Variants in SIMC1 observed in about 807,000 individuals in gnomAD.
The protein encoded by SIMC1 is SUMO interacting motifs containing 1, also known as SUMO-interacting motif-containing protein 1.
A neutral mutation model predicts 82.3 loss-of-function variants in SIMC1; 55 were observed. The observed-to-expected ratio is 0.67, with a 90% CI of 0.54 to 0.84. The LOEUF is 0.84. SIMC1 is among the 40% of genes least tolerant of loss of function. The pLI is 0.00. For synonymous variants in SIMC1, 353 were observed against 426.3 expected, an observed-to-expected ratio of 0.83 and a Z score of 2.12; for missense variants, 915 against 1,107.2, an observed-to-expected ratio of 0.83 and a Z score of 2.46.
At chr5:176,326,693 T>C (rs1765406604) in intron 7 of SIMC1, among the ~76,000 whole-genome samples, 1 of 152,074 alleles carries the variant, frequency 6.6e-6, no homozygotes, top group Non-Finnish European at 1.5e-5. Flanking sequence ...GCCTCCTGAG[T>C]GGCTGGGATT....
At chr5:176,311,139 A>G (rs947190910) in intron 4 of SIMC1, among the ~76,000 whole-genome samples, 3 of 152,216 alleles carry the variant, frequency 2.0e-5, no homozygotes, top group Non-Finnish European at 4.4e-5. Context: ...TCTAAAAAGT[A>G]GATTATGGTA....
intron 7 of SIMC1, among the ~76,000 whole-genome samples, chr5:176,326,089 A>G (rs907676930): frequency 6.6e-6 from 1 of 152,214 alleles, no homozygotes. Flanking sequence ...TGGTACAGGA[A>G]ATAAGTATAA....
chr5:176,330,212 C>G (rs1765580279), intron 7 of SIMC1, among the ~76,000 whole-genome samples: 1 of 152,006 alleles, frequency 6.6e-6, no homozygotes, highest in Non-Finnish European at 1.5e-5. Context: ...ACCAGCCTGG[C>G]CAACATGGTG....
intron 3 of SIMC1, among the ~76,000 whole-genome samples, chr5:176,295,862 G>A (rs1317104848): frequency 6.6e-6 from 1 of 152,190 alleles, no homozygotes; most frequent in Non-Finnish European, 1.5e-5. Flanking sequence ...AGTCTTGCAG[G>A]ATTTAATTGG....
intron 1 of SIMC1, among the ~76,000 whole-genome samples, chr5:176,287,647 AAAAT>A (rs148705990): frequency 0.56 from 80,934 of 143,986 alleles, 22,282 homozygotes; most frequent in Middle Eastern, 0.62. Flanking sequence ...TAAAAAGTTA[AAAAT>A]AAATAAAAAT....
chr5:176,251,574 T>A (rs544041501), intron 1 of SIMC1, among the ~76,000 whole-genome samples: 2 of 152,070 alleles, frequency 1.3e-5, no homozygotes, highest in South Asian at 2.1e-4. Flanking sequence ...GGGTTGAAAA[T>A]TATTTTCTTT....
At chr5:176,326,178 C>T (rs1765385652) in intron 7 of SIMC1, among the ~76,000 whole-genome samples, 1 of 152,136 alleles carries the variant, frequency 6.6e-6, no homozygotes, top group African/African-American at 2.4e-5. Context: ...CAGCTCCATG[C>T]GTGCTTCCCA....
intron 1 of SIMC1, among the ~76,000 whole-genome samples, chr5:176,255,243 CAA>C (rs528942109): frequency 7.4e-6 from 1 of 135,014 alleles, no homozygotes; most frequent in African/African-American, 2.7e-5. Flanking sequence ...GACTCCACCT[CAA>C]AAAAAAAAGA....
Position 176,290,145 on chromosome 5 carries a change from C to A in SIMC1, c.621C>A (p.Cys207Ter), listed in dbSNP as rs1763480465. 1.9e-6 allele frequency: 3 copies of A among 1,607,866 alleles called. No individual in the cohort carries two copies. The highest frequency in any genetic ancestry group is 1.3e-5 in the African/African-American group (1 of 74,774). ...GCAATCAAAAAGCACCCTTGCCATG[C>A]CCACAGCAAGATGTATCTCGCCCAC... Reference protein sequence around the residue: ...SSSNQKAPLPCPQQDVSRPPQ... With the variant: ...SSSNQKAPLP The change falls in exon 2 of 10, where the codon TGC becomes TGA. Residue 207 changes from cysteine (C) to a stop codon, truncating the protein, a stop_gained. Transcript: ENST00000429602. LOFTEE classifies it high-confidence loss of function.
intron 1 of SIMC1, among the ~76,000 whole-genome samples, chr5:176,256,703 C>T (rs1240519260): frequency 6.6e-6 from 1 of 152,076 alleles, no homozygotes; most frequent in African/African-American, 2.4e-5. Context: ...TATGGTGTTA[C>T]CAATTGTGTC....
At chr5:176,271,980 T>C (rs1406164155) in intron 1 of SIMC1, among the ~76,000 whole-genome samples, 2 of 144,730 alleles carry the variant, frequency 1.4e-5, no homozygotes, top group Non-Finnish European at 3.0e-5. Flanking sequence ...ATATATTATA[T>C]ATAACATAAT....
chr5:176,307,146 AAAC>A (rs1271288642), intron 4 of SIMC1, among the ~76,000 whole-genome samples: 1 of 152,208 alleles, frequency 6.6e-6, no homozygotes, highest in Non-Finnish European at 1.5e-5. Context: ...TTTTTTAAAA[AAAC>A]AAAAAATAAG....
At chr5:176,334,716 C>T (rs1017299506) in intron 7 of SIMC1, among the ~76,000 whole-genome samples, 1 of 152,216 alleles carries the variant, frequency 6.6e-6, no homozygotes, top group African/African-American at 2.4e-5. Flanking sequence ...AGACCCACAC[C>T]TTCCTCTGCC....
intron 1 of SIMC1, among the ~76,000 whole-genome samples, chr5:176,243,196 T>G (rs1761327421): frequency 6.6e-6 from 1 of 152,088 alleles, no homozygotes; most frequent in Non-Finnish European, 1.5e-5. Flanking sequence ...TGATTGTGTT[T>G]TCAGAGAAGG....
At chr5:176,294,695 G>T (rs1763727641) in intron 2 of SIMC1, among the ~76,000 whole-genome samples, 1 of 151,438 alleles carries the variant, frequency 6.6e-6, no homozygotes, top group Non-Finnish European at 1.5e-5. Context: ...CGGCGCCGTG[G>T]CTCACACCTG....
intron 9 of SIMC1, 28 bp from the exon 10 acceptor site, chr5:176,345,155 A>G: frequency 6.2e-7 from 1 of 1,602,694 alleles, no homozygotes; most frequent in East Asian, 2.2e-5. Context: ...AGTTCAGAGC[A>G]CCCAACTGAC....
At chr5:176,340,223 G>T (rs1766074701) in intron 9 of SIMC1, among the ~76,000 whole-genome samples, 1 of 152,214 alleles carries the variant, frequency 6.6e-6, no homozygotes, top group Admixed American at 6.5e-5. Context: ...CAAATGCAGA[G>T]CTAGGATTCA....
chr5:176,313,586 T>A, intron 4 of SIMC1, 105 bp from the exon 5 acceptor site: 1 of 1,563,228 alleles, frequency 6.4e-7, no homozygotes, highest in South Asian at 1.2e-5. Flanking sequence ...GGCATACTTG[T>A]TGATGCATGG....
chr5:176,319,547 T>A (rs890537169), intron 5 of SIMC1, among the ~76,000 whole-genome samples: 8 of 152,026 alleles, frequency 5.3e-5, no homozygotes, highest in African/African-American at 9.7e-5. Flanking sequence ...AATAATAGGC[T>A]GGGCACAGTG....
Sources: allele counts gnomAD v4.1 joint callset (sites outside exome capture counted in the v4.1 genomes callset), GRCh38; gene constraint gnomAD v4.1.1; transcripts MANE v1.5; gene names NCBI Gene and HGNC (gene_info 2026-07-23, HGNC 2026-07-21).